Variants in LRMDA observed in about 807,000 individuals in gnomAD.
LRMDA encodes leucine rich melanocyte differentiation associated.
In LRMDA, 18 loss-of-function variants were observed where a neutral mutation model predicts 29.8. The ratio of observed to expected loss-of-function variants is 0.60; its 90% confidence interval spans 0.42 to 0.90. The LOEUF is 0.90. Ranked by LOEUF, LRMDA falls within the 40% of genes least tolerant of loss-of-function variation. The pLI is 0.00. For missense variants in LRMDA, 273 were observed against 273.9 expected (o/e 1.00, Z 0.02); for synonymous variants, 125 against 109.4 (o/e 1.14, Z -0.89).
intron 2 of LRMDA, among the ~76,000 whole-genome samples, chr10:75,931,893 T>G (rs1846211642): frequency 6.6e-6 from 1 of 152,164 alleles, no homozygotes; most frequent in African/African-American, 2.4e-5. Flanking sequence ...AACCATCATA[T>G]CCTATTGTAT....
intron 2 of LRMDA, among the ~76,000 whole-genome samples, chr10:75,548,017 CT>C (rs1390515967): frequency 2.6e-5 from 4 of 151,498 alleles, no homozygotes; most frequent in Non-Finnish European, 4.4e-5. Flanking sequence ...GATTGTAAGG[CT>C]TTTCATATTT....
intron 2 of LRMDA, among the ~76,000 whole-genome samples, chr10:75,632,357 C>T (rs940518269): frequency 8.5e-5 from 13 of 152,276 alleles, no homozygotes; most frequent in Admixed American, 2.0e-4. Context: ...TGGAGGCAGA[C>T]GAGGATGTCT....
chr10:75,833,293 G>A (rs1589222646), intron 2 of LRMDA, among the ~76,000 whole-genome samples: 1 of 152,202 alleles, frequency 6.6e-6, no homozygotes, highest in South Asian at 2.1e-4. Flanking sequence ...ACGTATTAAA[G>A]CCTGAAAGAC....
intron 2 of LRMDA, among the ~76,000 whole-genome samples, chr10:75,519,283 A>G (rs1467606431): frequency 6.6e-6 from 1 of 152,058 alleles, no homozygotes; most frequent in Non-Finnish European, 1.5e-5. Flanking sequence ...TCGTTGATCT[A>G]ATATTGACAG....
intron 2 of LRMDA, among the ~76,000 whole-genome samples, chr10:75,544,205 A>G (rs935859910): frequency 6.6e-6 from 1 of 152,186 alleles, no homozygotes; most frequent in South Asian, 2.1e-4. Flanking sequence ...GTATTAATGG[A>G]GCTTCTGGGA....
chr10:75,507,597 A>G (rs897511389), intron 2 of LRMDA, among the ~76,000 whole-genome samples: 1 of 151,944 alleles, frequency 6.6e-6, no homozygotes, highest in African/African-American at 2.4e-5. Flanking sequence ...TGAATTTTTT[A>G]CTCGCATTGT....
At chr10:75,572,423 AC>A (rs998092480) in intron 2 of LRMDA, among the ~76,000 whole-genome samples, 2 of 150,998 alleles carry the variant, frequency 1.3e-5, no homozygotes, top group Non-Finnish European at 1.5e-5. Context: ...TCTTTCTGGC[AC>A]CCCCGGCAGA....
At chr10:76,310,333 C>T (rs1442731468) in intron 5 of LRMDA, among the ~76,000 whole-genome samples, 1 of 152,178 alleles carries the variant, frequency 6.6e-6, no homozygotes, top group African/African-American at 2.4e-5. Context: ...TATCAGATGT[C>T]CTCTTGGAGG....
intron 2 of LRMDA, among the ~76,000 whole-genome samples, chr10:75,479,240 G>A (rs1019817561): frequency 6.6e-6 from 1 of 152,140 alleles, no homozygotes; most frequent in African/African-American, 2.4e-5. Context: ...TGGTGTGGTG[G>A]CTCACACCTG....
chr10:75,741,120 G>C (rs569345529), intron 2 of LRMDA, among the ~76,000 whole-genome samples: 1 of 152,278 alleles, frequency 6.6e-6, no homozygotes, highest in Non-Finnish European at 1.5e-5. Context: ...AGCCTGCCTG[G>C]TAAAGAGTAT....
At chr10:76,245,049 A>G (rs1420292260) in intron 5 of LRMDA, among the ~76,000 whole-genome samples, 2 of 152,218 alleles carry the variant, frequency 1.3e-5, no homozygotes, top group East Asian at 3.9e-4. Context: ...CAATGGTTCC[A>G]TGAAAATTCA....
At chr10:76,084,723 C>T (rs1321372937) in intron 5 of LRMDA, among the ~76,000 whole-genome samples, 1 of 152,040 alleles carries the variant, frequency 6.6e-6, no homozygotes, top group African/African-American at 2.4e-5. Flanking sequence ...TAAAAATTAG[C>T]CACTGTTAAG....
intron 5 of LRMDA, among the ~76,000 whole-genome samples, chr10:76,062,226 CTTAT>C (rs1848712557): frequency 6.6e-6 from 1 of 152,196 alleles, no homozygotes; most frequent in Non-Finnish European, 1.5e-5. Flanking sequence ...GCCTGTTGTG[CTTAT>C]TCAGCAGAAT....
chr10:75,465,854 G>A (rs1844643922), intron 2 of LRMDA, among the ~76,000 whole-genome samples: 1 of 152,164 alleles, frequency 6.6e-6, no homozygotes, highest in Non-Finnish European at 1.5e-5. Context: ...TAAAGTTTTA[G>A]CGTCCAATCT....
At chr10:76,444,500 GTGCATC>G (rs1842334081) in intron 6 of LRMDA, among the ~76,000 whole-genome samples, 1 of 152,190 alleles carries the variant, frequency 6.6e-6, no homozygotes, top group South Asian at 2.1e-4. Context: ...TATTTTAAAA[GTGCATC>G]AGTAACTTGT....
At chr10:76,464,764 A>C (rs752245811) in intron 6 of LRMDA, 1 of 152,222 alleles carries the variant, frequency 6.6e-6, no homozygotes, top group Non-Finnish European at 1.5e-5. Context: ...CAAATGATTC[A>C]TGAGTTTCCA....
intron 5 of LRMDA, among the ~76,000 whole-genome samples, chr10:76,144,314 C>A (rs1247599595): frequency 6.6e-6 from 1 of 152,128 alleles, no homozygotes; most frequent in Non-Finnish European, 1.5e-5. Context: ...TTGATTTTTC[C>A]TATCCATGAG....
chr10:75,612,528 T>G (rs1286738776), intron 2 of LRMDA, among the ~76,000 whole-genome samples: 2 of 152,010 alleles, frequency 1.3e-5, no homozygotes, highest in Admixed American at 6.6e-5. Context: ...ATTGAACTGA[T>G]CAAGATGACT....
chr10:75,472,954 T>C (rs1409045088), intron 2 of LRMDA, among the ~76,000 whole-genome samples: 1 of 152,208 alleles, frequency 6.6e-6, no homozygotes, highest in Non-Finnish European at 1.5e-5. Context: ...GGCTTTGGCA[T>C]GAGAAGGAGA....
Sources: allele counts gnomAD v4.1 joint callset (sites outside exome capture counted in the v4.1 genomes callset), GRCh38; gene constraint gnomAD v4.1.1; transcripts MANE v1.5; gene names NCBI Gene and HGNC (gene_info 2026-07-23, HGNC 2026-07-21).